The following IVL variants were observed in gnomAD, a reference collection of about 807,000 sequenced individuals.
IVL encodes the protein involucrin.
For missense variants in IVL, 722 were observed against 624.9 expected, an observed-to-expected ratio of 1.16 and a Z score of -1.66; for synonymous variants, 257 against 271.0, an observed-to-expected ratio of 0.95 and a Z score of 0.51.
In IVL at chr1:152,909,952, C is replaced by T; in HGVS notation, c.155C>T (p.Pro52Leu). ...TGCCAGAAGGTGCCTGTCGAGCTCCCAGTGGAGGTCCCATCAAAGCAAGAG... is the reference window on the plus strand; with the variant it reads ...TGCCAGAAGGTGCCTGTCGAGCTCCTAGTGGAGGTCCCATCAAAGCAAGAG... ...PPCQKVPVEL[P>L]VEVPSKQEEK... The change falls in exon 2 of 2, where the codon CCA becomes CTA. Residue 52 changes from proline (P) to leucine (L), a missense_variant. Physicochemically the swap from Pro to Leu is moderately conservative, Grantham distance 98. Transcript: ENST00000368764. 8 of 1,614,158 alleles carry T rather than the reference C, an allele frequency of 5.0e-6. No homozygotes were observed. Among genetic ancestry groups the T allele is most frequent in the Non-Finnish European group, 6.8e-6 (8 of 1,180,032 alleles).
intron 1 of IVL, 76 bp from the exon 2 acceptor site, chr1:152,909,703 T>C (rs933453795): frequency 5.0e-6 from 6 of 1,202,258 alleles, no homozygotes; most frequent in Middle Eastern, 4.1e-4. Context: ...AAAAACCAGA[T>C]ACTTCTGCAG....
Position 152,911,034 on chromosome 1 carries a change from C to A in IVL, c.1237C>A (p.Leu413Met). 6.4e-7 allele frequency: 1 copy of A among 1,551,118 alleles called. No individual in the cohort carries two copies. Residue 413 changes from leucine (L) to methionine (M), a missense_variant, in exon 2 of 2, where the codon CTG becomes ATG. Coordinates refer to ENST00000368764, the MANE Select transcript of IVL (RefSeq NM_005547.4). ...LKHLVQQEGQ[L>M]EQQERQVEHL... The stretch of plus-strand genomic sequence containing the variant: ...GCATCTGGTGCAGCAGGAGGGGCAG[C>A]TGGAGCAGCAGGAGAGGCAGGTGGA...
Position 152,909,833 on chromosome 1 carries a change from C to A in IVL, c.36C>A (p.Ser12=). ...SQQHTLPVTL[S]PALSQELLKT... is the part of the protein sequence containing the mutation. ...AACACACACTGCCAGTGACCCTCTC[C>A]CCTGCCCTCAGTCAGGAGCTCCTCA... Residue 12 remains serine, a synonymous_variant, in exon 2 of 2, where the codon TCC becomes TCA. Coordinates refer to ENST00000368764, the MANE Select transcript of IVL (RefSeq NM_005547.4). 1 of 1,614,110 alleles carries A rather than the reference C, an allele frequency of 6.2e-7. No individual in the cohort carries two copies. Among genetic ancestry groups the A allele is most frequent in the East Asian group, 2.2e-5 (1 of 44,886 alleles).
chr1:152,911,638 A>G lies in IVL; in HGVS notation c.*83A>G. ...TGGCTCCACTTATTTCGGGTCCGCT[A>G]GGTGGCCCGTCTCATCTGTGAACTT... On this transcript the variant is annotated 3_prime_UTR_variant, in exon 2 of 2. Coordinates refer to ENST00000368764, the MANE Select transcript of IVL (RefSeq NM_005547.4). 1 of 1,306,510 alleles carries G rather than the reference A, an allele frequency of 7.7e-7. No individual in the cohort carries two copies. The highest frequency in any genetic ancestry group is 1.1e-6 in the Non-Finnish European group (1 of 941,582). 80.9% of individuals were successfully genotyped at this position (1,306,510 alleles called of 1,614,324 possible). A position where few individuals can be genotyped will look rare whatever the true frequency, so the allele number is the denominator to read the frequency against.
chr1:152,909,103 C>T (rs939370024), intron 1 of IVL, among the ~76,000 whole-genome samples: 3 of 152,104 alleles, frequency 2.0e-5, no homozygotes, highest in Admixed American at 6.5e-5. Context: ...TTCCAGCTCC[C>T]GCAGCCCCAC....
Position 152,909,844 on chromosome 1 carries a change from G to C in IVL, c.47G>C (p.Ser16Thr), listed in dbSNP as rs773777001. 5.6e-6 allele frequency: 9 copies of C among 1,614,166 alleles called. No homozygotes were observed. Among genetic ancestry groups the C allele is most frequent in the Non-Finnish European group, 7.6e-6 (9 of 1,180,024 alleles). Residue 16 changes from serine (S) to threonine (T), a missense_variant, in exon 2 of 2, where the codon AGT (serine) becomes ACT (threonine). Ser to Thr is a moderately conservative substitution (Grantham distance 58, BLOSUM62 1). Coordinates refer to ENST00000368764, the MANE Select transcript of IVL (RefSeq NM_005547.4). ...CCAGTGACCCTCTCCCCTGCCCTCA[G>C]TCAGGAGCTCCTCAAGACTGTTCCT... is the stretch of plus-strand genomic sequence containing the variant. ...TLPVTLSPAL[S>T]QELLKTVPPP...
Position 152,911,161 on chromosome 1 carries a change from A to C in IVL, c.1364A>C (p.Gln455Pro), listed in dbSNP as rs368119349. ...CAGGGGCAGTTGGAGGTCCCAGAGC[A>C]GCAGGTGGGGCAGCCAAAGAACCTG... ...QQQGQLEVPE[Q>P]QVGQPKNLEQ... Residue 455 changes from glutamine to proline, a missense_variant, in exon 2 of 2, where the codon CAG (glutamine) becomes CCG (proline). Coordinates refer to ENST00000368764, the MANE Select transcript of IVL (RefSeq NM_005547.4). 6.4e-7 allele frequency: 1 copy of C among 1,558,238 alleles called. No homozygotes were observed. Among genetic ancestry groups the C allele is most frequent in the Non-Finnish European group, 8.7e-7 (1 of 1,150,994 alleles).
At chr1:152,908,983 G>A (rs966114564) in intron 1 of IVL, among the ~76,000 whole-genome samples, 1 of 152,146 alleles carries the variant, frequency 6.6e-6, no homozygotes, top group African/African-American at 2.4e-5. Flanking sequence ...ACAGAGGGAT[G>A]GCAGAATGGG....
At position 152,911,028 on chromosome 1, in the gene IVL, G is replaced by A. The variant is rs1570915310; in HGVS notation, c.1231G>A (p.Gly411Arg). 6.4e-7 allele frequency: 1 copy of A among 1,550,638 alleles called. No homozygotes were observed. The highest frequency in any genetic ancestry group is 8.7e-7 in the Non-Finnish European group (1 of 1,146,754). The change falls in exon 2 of 2, where the codon GGG becomes AGG. Residue 411 changes from glycine to arginine, a missense_variant. Physicochemically the swap from Gly to Arg is moderately radical, Grantham distance 125 (BLOSUM62 -2). Coordinates refer to ENST00000368764, the MANE Select transcript of IVL (RefSeq NM_005547.4). ...GCTGAAGCATCTGGTGCAGCAGGAGGGGCAGCTGGAGCAGCAGGAGAGGCA... is the reference window on the plus strand; with the variant it reads ...GCTGAAGCATCTGGTGCAGCAGGAGAGGCAGCTGGAGCAGCAGGAGAGGCA... ...GQLKHLVQQE[G>R]QLEQQERQVE...
chr1:152,909,851 G>C lies in IVL; in HGVS notation c.54G>C (p.Glu18Asp). Residue 18 changes from glutamate (E) to aspartate (D), a missense_variant, in exon 2 of 2, where the codon GAG (glutamate) becomes GAC (aspartate). Physicochemically the swap from Glu to Asp is conservative, Grantham distance 45 (BLOSUM62 2). Transcript: ENST00000368764. ...CCCTCTCCCCTGCCCTCAGTCAGGA[G>C]CTCCTCAAGACTGTTCCTCCTCCAG... The part of the protein sequence containing the change: ...PVTLSPALSQ[E>D]LLKTVPPPVN... 6.2e-7 allele frequency: 1 copy of C among 1,614,176 alleles called. No homozygotes were observed. The highest frequency in any genetic ancestry group is 8.5e-7 in the Non-Finnish European group (1 of 1,180,026).
chr1:152,910,632 C>G lies in IVL; in HGVS notation c.835C>G (p.Gln279Glu), dbSNP rs1195074417. 3.9e-6 allele frequency: 6 copies of G among 1,551,156 alleles called. No homozygotes were observed. Among genetic ancestry groups the G allele is most frequent in the South Asian group, 1.2e-5 (1 of 84,012 alleles). Residue 279 changes from glutamine (Q) to glutamate (E), a missense_variant, in exon 2 of 2, where the codon CAG becomes GAG. By Grantham distance (29) the Gln-to-Glu change is conservative. Transcript: ENST00000368764. ...QEGQLEVPEEQMGQLKYLEQQ... is the reference protein window; with the variant it reads ...QEGQLEVPEEEMGQLKYLEQQ... ...GGGGCAGCTGGAGGTCCCAGAGGAG[C>G]AGATGGGGCAGCTGAAGTACCTGGA...
chr1:152,909,280 G>A (rs1034802589), intron 1 of IVL, among the ~76,000 whole-genome samples: 1 of 152,306 alleles, frequency 6.6e-6, no homozygotes, highest in East Asian at 1.9e-4. Context: ...CAGGCCTAGA[G>A]CATGTCCTGT....
chr1:152,911,470 C>A lies in IVL; in HGVS notation c.1673C>A (p.Ala558Asp), dbSNP rs1268007572. 4 of 1,614,046 alleles carry A rather than the reference C, an allele frequency of 2.5e-6. No individual in the cohort carries two copies. The highest frequency in any genetic ancestry group is 1.3e-5 in the African/African-American group (1 of 74,922). The change falls in exon 2 of 2, where the codon GCC becomes GAC. Residue 558 changes from alanine (A) to aspartate (D), a missense_variant. Ala to Asp is a moderately radical substitution (Grantham distance 126). Coordinates refer to ENST00000368764, the MANE Select transcript of IVL (RefSeq NM_005547.4). ...GGCCAGGTCCAAGACATTCAACCAGCCCTGCCCACAAAGGGAGAAGTATTG... is the reference window on the plus strand; with the variant it reads ...GGCCAGGTCCAAGACATTCAACCAGACCTGCCCACAAAGGGAGAAGTATTG... ...APGQVQDIQP[A>D]LPTKGEVLLP...
At position 152,910,260 on chromosome 1, in the gene IVL, C is replaced by T. The variant is rs774545839; in HGVS notation, c.463C>T (p.Leu155Phe). 7.0e-5 allele frequency: 113 copies of T among 1,614,016 alleles called. 2 individuals carry two copies. The South Asian group carries it at 1.2e-3, about 17-fold the overall frequency. ...LGMKKEQLLELPEQQEGHLKH... is the reference protein window; with the variant it reads ...LGMKKEQLLEFPEQQEGHLKH... ...AATGAAGAAAGAGCAACTGTTGGAG[C>T]TCCCAGAGCAGCAGGAGGGGCACCT... The change falls in exon 2 of 2, where the codon CTC (leucine) becomes TTC (phenylalanine). Residue 155 changes from leucine to phenylalanine, a missense_variant. By Grantham distance (22) the Leu-to-Phe change is conservative. Transcript: ENST00000368764.
rs768883907 is a variant in IVL, at chr1:152,910,091, T to C, written c.294T>C (p.Tyr98=). The C allele has an allele frequency of 1.2e-6, 2 of 1,614,026 alleles. No homozygotes were observed. Among genetic ancestry groups the C allele is most frequent in the Non-Finnish European group, 8.5e-7 (1 of 1,180,006 alleles). ...AGCACTGGGAACAGCATGAGGAATA[T>C]CAGAAAGCAGAAAACCCAGAGCAGC... ...QQQHWEQHEE[Y]QKAENPEQQL... is the part of the protein sequence containing the mutation. The change falls in exon 2 of 2, where the codon TAT becomes TAC. Residue 98 remains tyrosine (Y), a synonymous_variant. Coordinates refer to ENST00000368764, the MANE Select transcript of IVL (RefSeq NM_005547.4).
chr1:152,910,212 G>A lies in IVL; in HGVS notation c.415G>A (p.Val139Ile). ...AGACCAGCAACTGGATCAAGAGCTAGTCAAGAGAGATGAGCAACTGGGAAT... is the reference window on the plus strand; with the variant it reads ...AGACCAGCAACTGGATCAAGAGCTAATCAAGAGAGATGAGCAACTGGGAAT... Reference protein sequence around the residue: ...LLDQQLDQELVKRDEQLGMKK... With the variant: ...LLDQQLDQELIKRDEQLGMKK... The change falls in exon 2 of 2, where the codon GTC becomes ATC. Residue 139 changes from valine (V) to isoleucine (I), a missense_variant. Coordinates refer to ENST00000368764, the MANE Select transcript of IVL (RefSeq NM_005547.4). 2 of 1,614,230 alleles carry A rather than the reference G, an allele frequency of 1.2e-6. No individual in the cohort carries two copies. The highest frequency in any genetic ancestry group is 1.7e-6 in the Non-Finnish European group (2 of 1,180,050).
rs1411396466 is a variant in IVL, at chr1:152,911,030, G to C, written c.1233G>C (p.Gly411=). ...GQLKHLVQQE[G]QLEQQERQVE... ...TGAAGCATCTGGTGCAGCAGGAGGG[G>C]CAGCTGGAGCAGCAGGAGAGGCAGG... The change falls in exon 2 of 2, where the codon GGG becomes GGC. Residue 411 remains glycine, a synonymous_variant. Coordinates refer to ENST00000368764, the MANE Select transcript of IVL (RefSeq NM_005547.4). 1.9e-6 allele frequency: 3 copies of C among 1,550,946 alleles called. No homozygotes were observed. The highest frequency in any genetic ancestry group is 2.6e-6 in the Non-Finnish European group (3 of 1,146,854).
chr1:152,911,528 G>A lies in IVL; in HGVS notation c.1731G>A (p.Glu577=). Residue 577 remains glutamate, a synonymous_variant, in exon 2 of 2, where the codon GAG becomes GAA. Coordinates refer to ENST00000368764, the MANE Select transcript of IVL (RefSeq NM_005547.4). ...LPVEHQQQKQ[E]VQWPPKHK is the part of the protein sequence containing the mutation. The stretch of plus-strand genomic sequence containing the variant: ...TAGAGCACCAGCAGCAGAAGCAGGA[G>A]GTGCAGTGGCCACCCAAACATAAAT... 6.2e-7 allele frequency: 1 copy of A among 1,613,070 alleles called. No individual in the cohort carries two copies. Among genetic ancestry groups the A allele is most frequent in the African/African-American group, 1.3e-5 (1 of 75,042 alleles).
chr1:152,911,299 AG>A lies in IVL; in HGVS notation c.1503del (p.Lys501AsnfsTer10). 3 of 1,568,320 alleles carry A rather than the reference AG, an allele frequency of 1.9e-6. No individual in the cohort carries two copies. The South Asian group carries it at 3.5e-5, about 18-fold the overall frequency. Reference sequence around the variant, plus strand: ...CCAGAGCAGCAGGTAGGACAGCCAAAGCACCTGGAACAGCAGGAAAAGCACC... The same window carrying A: ...CCAGAGCAGCAGGTAGGACAGCCAAACACCTGGAACAGCAGGAAAAGCACC... ...ELPEQQVGQP[K>X]HLEQQEKHLE... On this transcript the variant is annotated frameshift_variant, in exon 2 of 2. Coordinates refer to ENST00000368764, the MANE Select transcript of IVL (RefSeq NM_005547.4). LOFTEE classifies it low-confidence loss of function (END_TRUNC).
Sources: allele counts gnomAD v4.1 joint callset (sites outside exome capture counted in the v4.1 genomes callset), GRCh38; gene constraint gnomAD v4.1.1; transcripts MANE v1.5; gene names NCBI Gene and HGNC (gene_info 2026-07-23, HGNC 2026-07-21).